Variants in SLC35A1 observed in about 807,000 individuals in gnomAD.
The protein encoded by SLC35A1 is CMP-sialic acid transporter.
In SLC35A1, 21 loss-of-function variants were observed where a neutral mutation model predicts 40.3. The observed-to-expected ratio is 0.52, with a 90% CI of 0.37 to 0.75. SLC35A1 has a LOEUF of 0.75. SLC35A1 is among the 30% of genes least tolerant of loss of function. The pLI is 0.00. For synonymous variants in SLC35A1, 146 were observed against 147.3 expected (o/e 0.99, Z 0.06); for missense variants, 297 against 382.1 (o/e 0.78, Z 1.86).
In SLC35A1 at chr6:87,501,183, G is replaced by T. The variant is rs757568696; in HGVS notation, c.380G>T (p.Cys127Phe). ...YQVTYQLKIP[C>F]TALCTVLMLN... is the part of the protein sequence containing the mutation. ...GTGACCTACCAGTTGAAGATTCCGT[G>T]TACTGCTTTATGCACTGTTTTAATG... is the stretch of plus-strand genomic sequence containing the variant. Residue 127 changes from cysteine (C) to phenylalanine (F), a missense_variant, in exon 4 of 8, where the codon TGT becomes TTT. Physicochemically the swap from Cys to Phe is radical, Grantham distance 205. Transcript: ENST00000369552. The T allele has an allele frequency of 6.2e-7, 1 of 1,613,822 alleles. No homozygotes were observed. Among genetic ancestry groups the T allele is most frequent in the Non-Finnish European group, 8.5e-7 (1 of 1,179,820 alleles).
At chr6:87,506,544 A>T in intron 5 of SLC35A1, 96 bp downstream of exon 5, 2 of 999,322 alleles carry the variant, frequency 2.0e-6, no homozygotes, top group Non-Finnish European at 3.2e-6. Context: ...TCTCAGTTTT[A>T]TTCCCATTAA....
chr6:87,503,325 G>A (rs1769976924), intron 4 of SLC35A1, among the ~76,000 whole-genome samples: 2 of 152,076 alleles, frequency 1.3e-5, no homozygotes, highest in Admixed American at 6.5e-5. Flanking sequence ...TTTCTAACGT[G>A]GCTTATCTAT....
intron 4 of SLC35A1, 123 bp from the exon 5 acceptor site, chr6:87,506,259 T>C (rs190667120): frequency 3.1e-4 from 242 of 769,066 alleles, no homozygotes; most frequent in Admixed American, 7.0e-4. Flanking sequence ...GTAGAATAGC[T>C]GTGTCTGATG....
intron 2 of SLC35A1, among the ~76,000 whole-genome samples, chr6:87,488,288 T>C (rs1402859842): frequency 6.6e-6 from 1 of 152,210 alleles, no homozygotes; most frequent in Non-Finnish European, 1.5e-5. Context: ...GTAAAAACAA[T>C]CTTATTTGTA....
rs1447617794 is a variant in SLC35A1, at chr6:87,511,677, G to GCTAT, written c.*154_*157dup. 4 of 842,234 alleles carry GCTAT rather than the reference G, an allele frequency of 4.7e-6. No individual in the cohort carries two copies. The East Asian group carries it at 7.6e-5, about 16-fold the overall frequency. The allele number at this position is 842,234 out of a possible 1,614,324, so 52.2% of individuals were successfully genotyped here. On this transcript the variant is annotated 3_prime_UTR_variant, in exon 8 of 8. Transcript: ENST00000369552. ...GTGGAAACAACAACAAACAAACGAA[G>GCTAT]CTATCTGAGTGAACTGCTAATACAG...
In SLC35A1 at chr6:87,477,404, T is replaced by G. The variant is rs1188939897; in HGVS notation, c.59T>G (p.Met20Arg). Reference sequence around the variant, plus strand: ...TTCAAGTTATACTGCTTGGCAGTGATGACCCTGATGGCTGCAGTCTATACC... The same window carrying G: ...TTCAAGTTATACTGCTTGGCAGTGAGGACCCTGATGGCTGCAGTCTATACC... ...LLFKLYCLAV[M>R]TLMAAVYTIA... Residue 20 changes from methionine to arginine, a missense_variant, in exon 2 of 8, where the codon ATG (methionine) becomes AGG (arginine). Met to Arg is a moderately conservative substitution (Grantham distance 91). Transcript: ENST00000369552. 1 of 1,613,998 alleles carries G rather than the reference T, an allele frequency of 6.2e-7. No homozygotes were observed. The highest frequency in any genetic ancestry group is 1.1e-5 in the South Asian group (1 of 91,082).
Position 87,511,692 on chromosome 6 carries a change from T to C in SLC35A1, c.*166T>C. The C allele has an allele frequency of 1.4e-6, 1 of 739,394 alleles. No individual in the cohort carries two copies. The highest frequency in any genetic ancestry group is 1.5e-5 in the South Asian group (1 of 65,812). 45.8% of individuals were successfully genotyped at this position (739,394 alleles called of 1,614,324 possible). A position where few individuals can be genotyped will look rare whatever the true frequency, so the allele number is the denominator to read the frequency against. On this transcript the variant is annotated 3_prime_UTR_variant, in exon 8 of 8. Coordinates refer to ENST00000369552, the MANE Select transcript of SLC35A1 (RefSeq NM_006416.5). ...AACAAACGAAGCTATCTGAGTGAAC[T>C]GCTAATACAGAAACTTAATGTAGAC... is the stretch of plus-strand genomic sequence containing the variant.
At position 87,506,413 on chromosome 6, in the gene SLC35A1, C is replaced by T; in HGVS notation, c.539C>T (p.Ala180Val). 1 of 1,613,674 alleles carries T rather than the reference C, an allele frequency of 6.2e-7. No homozygotes were observed. The highest frequency in any genetic ancestry group is 2.2e-5 in the East Asian group (1 of 44,816). Residue 180 changes from alanine (A) to valine (V), a missense_variant, in exon 5 of 8, where the codon GCT becomes GTT. Ala to Val is a moderately conservative substitution (Grantham distance 64). Transcript: ENST00000369552. The part of the protein sequence containing the change: ...VEQNPLLGFG[A>V]IAIAVLCSGF... Reference sequence around the variant, plus strand: ...CAAAATCCATTATTAGGGTTTGGCGCTATAGCTATTGCTGTATTGTGCTCA... The same window carrying T: ...CAAAATCCATTATTAGGGTTTGGCGTTATAGCTATTGCTGTATTGTGCTCA...
intron 2 of SLC35A1, among the ~76,000 whole-genome samples, chr6:87,495,103 G>A (rs997705730): frequency 2.0e-5 from 3 of 152,120 alleles, no homozygotes; most frequent in Non-Finnish European, 4.4e-5. Flanking sequence ...CCCAGTAGCT[G>A]GGATTATAGG....
Position 87,511,442 on chromosome 6 carries a change from A to G in SLC35A1, c.930A>G (p.Ile310Met), listed in dbSNP as rs867052453. The G allele has an allele frequency of 1.2e-6, 2 of 1,613,426 alleles. No homozygotes were observed. Among genetic ancestry groups the G allele is most frequent in the South Asian group, 2.2e-5 (2 of 91,058 alleles). ...ALGTLLVCVS[I>M]YLYGLPRQDT... ...GTACTCTTCTTGTATGTGTTTCCAT[A>G]TATCTCTATGGATTACCCAGACAAG... is the stretch of plus-strand genomic sequence containing the variant. Residue 310 changes from isoleucine to methionine, a missense_variant, in exon 8 of 8, where the codon ATA (isoleucine) becomes ATG (methionine). By Grantham distance (10) the Ile-to-Met change is conservative. Transcript: ENST00000369552.
At chr6:87,493,733 G>GT (rs1388915560) in intron 2 of SLC35A1, among the ~76,000 whole-genome samples, 1 of 152,082 alleles carries the variant, frequency 6.6e-6, no homozygotes, top group Non-Finnish European at 1.5e-5. Context: ...AGTTCTCTTT[G>GT]TTTTAGTTTT....
At chr6:87,501,427 T>C in intron 4 of SLC35A1, 117 bp downstream of exon 4, 3 of 1,116,362 alleles carry the variant, frequency 2.7e-6, no homozygotes, top group Non-Finnish European at 4.0e-6. Flanking sequence ...TTAAAATAAC[T>C]TTTGCCTTAT....
At chr6:87,475,291 G>A (rs971808203) in intron 1 of SLC35A1, among the ~76,000 whole-genome samples, 1 of 152,192 alleles carries the variant, frequency 6.6e-6, no homozygotes, top group African/African-American at 2.4e-5. Flanking sequence ...AAACAATCGT[G>A]AGTTCACAGG....
chr6:87,481,331 C>T (rs1001373099), intron 2 of SLC35A1, among the ~76,000 whole-genome samples: 5 of 151,524 alleles, frequency 3.3e-5, no homozygotes, highest in South Asian at 2.1e-4. Context: ...GCAGGAGAAT[C>T]GCTTGAACCT....
In SLC35A1 at chr6:87,473,945, G is replaced by A. The variant is rs1429516139; in HGVS notation, c.16+926G>A. Among the ~76,000 whole-genome samples the A allele has an allele frequency of 4.6e-5, 7 of 152,210 alleles. No homozygotes were observed. The East Asian group carries it at 1.3e-3, about 29-fold the overall frequency. On this transcript the variant is annotated intron_variant, in intron 1 of 7. Coordinates refer to ENST00000369552, the MANE Select transcript of SLC35A1 (RefSeq NM_006416.5). ...TTTCAAGTTATTTTCCCTGTTGCGG[G>A]GTCCATGTTTCTCATCAGGCCCTGC...
chr6:87,508,811 A>G (rs1770166992), intron 6 of SLC35A1, among the ~76,000 whole-genome samples: 1 of 152,196 alleles, frequency 6.6e-6, no homozygotes, highest in Non-Finnish European at 1.5e-5. Context: ...TTAGCAAAAA[A>G]TGTGTAAAAT....
intron 2 of SLC35A1, among the ~76,000 whole-genome samples, chr6:87,492,991 C>T (rs1362695243): frequency 6.6e-6 from 1 of 152,122 alleles, no homozygotes; most frequent in Non-Finnish European, 1.5e-5. Flanking sequence ...ACACTTTCAC[C>T]TACTGGTTTT....
chr6:87,508,329 TTATA>T, intron 5 of SLC35A1, 87 bp from the exon 6 acceptor site: 1 of 853,176 alleles, frequency 1.2e-6, no homozygotes, highest in Admixed American at 2.4e-5. Context: ...ATCATATACT[TTATA>T]TATCTCTAGG....
intron 2 of SLC35A1, among the ~76,000 whole-genome samples, chr6:87,493,423 T>C (rs1408708335): frequency 6.6e-6 from 1 of 152,018 alleles, no homozygotes; most frequent in African/African-American, 2.4e-5. Context: ...CTATGAAATA[T>C]ATATGCATGT....
Sources: gnomAD v4.1 joint callset for allele counts (sites outside exome capture counted in the v4.1 genomes callset) on GRCh38, gnomAD v4.1.1 for gene constraint, MANE v1.5 for transcripts, NCBI Gene and HGNC (gene_info 2026-07-23, HGNC 2026-07-21) for gene names.